The following ABCB5 variants were observed in gnomAD, a reference collection of about 807,000 sequenced individuals.
ABCB5 encodes ATP-binding cassette sub-family B member 5.
ABCB5 carries 155 observed loss-of-function variants against 144.2 expected under a neutral mutation model. That is an observed-to-expected ratio of 1.08 (90% CI 0.94 to 1.23). The LOEUF (loss-of-function observed/expected upper bound fraction) is 1.23. Ranked by LOEUF, ABCB5 falls within the 50% of genes most tolerant of loss-of-function variation. The pLI, the probability that ABCB5 is intolerant of heterozygous loss-of-function variation, is 0.00. For synonymous variants in ABCB5, 610 were observed against 528.6 expected (o/e 1.15, Z -2.11); for missense variants, 1,830 against 1,520.8 (o/e 1.20, Z -3.38).
intron 14 of ABCB5, among the ~76,000 whole-genome samples, chr7:20,665,466 G>T (rs569244610): frequency 6.6e-6 from 1 of 152,068 alleles, no homozygotes; most frequent in Non-Finnish European, 1.5e-5. Context: ...TATGTTTCCC[G>T]TTCAACTACC....
At chr7:20,694,469 C>T (rs966039275) in intron 16 of ABCB5, among the ~76,000 whole-genome samples, 1 of 152,000 alleles carries the variant, frequency 6.6e-6, no homozygotes, top group Admixed American at 6.6e-5. Flanking sequence ...ATTCCTTCAA[C>T]CTGATAAAAG....
chr7:20,659,507 G>C, intron 14 of ABCB5: 1 of 1,027,378 alleles, frequency 9.7e-7, no homozygotes, highest in Non-Finnish European at 1.2e-6. Flanking sequence ...AAATCTCTTA[G>C]TTACTATTAT....
chr7:20,728,077 G>T (rs1391949866), intron 22 of ABCB5, among the ~76,000 whole-genome samples: 1 of 151,776 alleles, frequency 6.6e-6, no homozygotes, highest in Admixed American at 6.6e-5. Context: ...AGTTAAATTT[G>T]TTATACTGAA....
rs1408319057 is a variant in ABCB5, at chr7:20,650,106, G to A, written c.1291G>A (p.Val431Ile). The A allele has an allele frequency of 1.2e-6, 2 of 1,613,658 alleles. No individual in the cohort carries two copies. Among genetic ancestry groups the A allele is most frequent in the Non-Finnish European group, 1.7e-6 (2 of 1,179,670 alleles). ...CAATGGCAGTGGGAAGAGTACGGTA[G>A]TCCAGCTTCTGCAGAGGTTATATGA... ...GLNGSGKSTV[V>I]QLLQRLYDPD... The change falls in exon 12 of 28, where the codon GTC (valine) becomes ATC (isoleucine). Residue 431 changes from valine (V) to isoleucine (I), a missense_variant. Physicochemically the swap from Val to Ile is conservative, Grantham distance 29. Transcript: ENST00000404938.
intron 20 of ABCB5, among the ~76,000 whole-genome samples, chr7:20,715,823 G>T (rs994025336): frequency 6.6e-6 from 1 of 151,416 alleles, no homozygotes; most frequent in African/African-American, 2.4e-5. Flanking sequence ...GGGTTCAAGC[G>T]ACTCTCCTGC....
chr7:20,651,127 C>T (rs947214350), intron 12 of ABCB5, among the ~76,000 whole-genome samples: 2 of 152,102 alleles, frequency 1.3e-5, no homozygotes, highest in African/African-American at 2.4e-5. Context: ...ATAACATTTG[C>T]GGAACCTAGA....
At chr7:20,718,542 G>A (rs1277691565) in intron 20 of ABCB5, among the ~76,000 whole-genome samples, 1 of 152,140 alleles carries the variant, frequency 6.6e-6, no homozygotes, top group Non-Finnish European at 1.5e-5. Flanking sequence ...ATTGGAAAAT[G>A]GTTGAGTCAT....
At chr7:20,686,816 C>T (rs1786017758) in intron 16 of ABCB5, among the ~76,000 whole-genome samples, 2 of 152,094 alleles carry the variant, frequency 1.3e-5, no homozygotes, top group South Asian at 4.1e-4. Context: ...GATTGAATCT[C>T]CTCTTAGCCC....
chr7:20,661,534 C>CTCTTTTTTT (rs1406657803), intron 14 of ABCB5, among the ~76,000 whole-genome samples: 6,721 of 130,574 alleles, frequency 0.051, 240 homozygotes, highest in South Asian at 0.099. Context: ...TCTTTCTTTT[C>CTCTTTTTTT]TTTTTCTTTT....
chr7:20,724,406 T>A (rs1781966823), intron 21 of ABCB5, among the ~76,000 whole-genome samples: 1 of 151,948 alleles, frequency 6.6e-6, no homozygotes, highest in Non-Finnish European at 1.5e-5. Flanking sequence ...GATGGGCGGA[T>A]CTTTTGAGGT....
Position 20,647,528 on chromosome 7 carries a change from C to T in ABCB5, c.982-7C>T. On this transcript the variant is annotated splice_region_variant and splice_polypyrimidine_tract_variant and intron_variant, in intron 9 of 27. Transcript: ENST00000404938. ...AAAGATAAATATCACTTTGTTTGTT[C>T]CTGTAGGTTTTCTTTAGTGTAATCC... The T allele has an allele frequency of 6.5e-7, 1 of 1,545,050 alleles. No individual in the cohort carries two copies. Among genetic ancestry groups the T allele is most frequent in the South Asian group, 1.2e-5 (1 of 80,264 alleles).
chr7:20,703,647 C>T (rs1786709369), intron 19 of ABCB5, among the ~76,000 whole-genome samples: 1 of 152,098 alleles, frequency 6.6e-6, no homozygotes, highest in African/African-American at 2.4e-5. Flanking sequence ...AAAAATAAAC[C>T]ATCTTTCAGA....
chr7:20,738,163 C>A (rs552425052), intron 23 of ABCB5, among the ~76,000 whole-genome samples: 4 of 152,304 alleles, frequency 2.6e-5, no homozygotes, highest in African/African-American at 7.2e-5. Context: ...ATATTGCCAG[C>A]GACACTGGTC....
chr7:20,742,147 G>A lies in ABCB5; in HGVS notation c.3025-730G>A, dbSNP rs185044409. On this transcript the variant is annotated intron_variant, in intron 24 of 27. Transcript: ENST00000404938. The stretch of plus-strand genomic sequence containing the variant: ...CCAGCACTTCGGGAGGCCAAGGTGG[G>A]CAGATTGCTTGAGTCCAGGAGTTTG... 3.0e-4 allele frequency among the ~76,000 whole-genome samples: 45 copies of A among 152,252 alleles called. No individual in the cohort carries two copies. The East Asian group carries it at 8.3e-3, about 28-fold the overall frequency.
chr7:20,700,000 A>C, intron 18 of ABCB5, 58 bp from the exon 19 acceptor site: 23 of 1,599,024 alleles, frequency 1.4e-5, no homozygotes, highest in African/African-American at 4.0e-5. Flanking sequence ...AGTTAAAAAT[A>C]TATCAACTAA....
intron 3 of ABCB5, among the ~76,000 whole-genome samples, chr7:20,626,859 GTGT>G (rs1562527051): frequency 9.7e-6 from 1 of 103,364 alleles, no homozygotes; most frequent in East Asian, 2.0e-4. Flanking sequence ...TTTGGGGTGT[GTGT>G]GTGTGTGTGT....
chr7:20,742,139 C>T (rs2128055161), intron 24 of ABCB5, among the ~76,000 whole-genome samples: 1 of 151,812 alleles, frequency 6.6e-6, no homozygotes, highest in East Asian at 1.9e-4. Flanking sequence ...TTCGGGAGGC[C>T]AAGGTGGGCA....
chr7:20,665,242 C>T (rs370138872), intron 14 of ABCB5, among the ~76,000 whole-genome samples: 2 of 152,114 alleles, frequency 1.3e-5, no homozygotes, highest in African/African-American at 2.4e-5. Context: ...GAAGGGTCAA[C>T]GAGCAGGTGA....
intron 16 of ABCB5, among the ~76,000 whole-genome samples, chr7:20,691,594 A>ATTTG (rs1786232970): frequency 6.6e-6 from 1 of 150,534 alleles, no homozygotes; most frequent in Admixed American, 6.6e-5. Flanking sequence ...TTATTTATTT[A>ATTTG]TTTATTTATT....
Sources: gnomAD v4.1 joint callset for allele counts (sites outside exome capture counted in the v4.1 genomes callset) on GRCh38, gnomAD v4.1.1 for gene constraint, MANE v1.5 for transcripts, NCBI Gene and HGNC (gene_info 2026-07-23, HGNC 2026-07-21) for gene names.